The following GATA4 variants were observed in gnomAD, a reference collection of about 807,000 sequenced individuals.
The protein encoded by GATA4 is GATA binding protein 4.
A neutral mutation model predicts 37.9 loss-of-function variants in GATA4; 7 were observed. That is an observed-to-expected ratio of 0.18 (90% CI 0.11 to 0.35). The LOEUF (loss-of-function observed/expected upper bound fraction) is 0.35. Ranked by LOEUF, GATA4 falls within the 10% of genes least tolerant of loss-of-function variation. GATA4 has a pLI of 1.00. For synonymous variants in GATA4, 372 were observed against 292.6 expected (o/e 1.27, Z -2.77); for missense variants, 647 against 653.0 (o/e 0.99, Z 0.10).
intron 1 of GATA4, among the ~76,000 whole-genome samples, chr8:11,685,491 T>C (rs558935208): frequency 6.6e-6 from 1 of 152,246 alleles, no homozygotes; most frequent in Non-Finnish European, 1.5e-5. Context: ...CTACGATGTT[T>C]ATGACTGGTG....
chr8:11,706,200 G>A (rs1799882120), intron 1 of GATA4, among the ~76,000 whole-genome samples: 1 of 152,142 alleles, frequency 6.6e-6, no homozygotes. Context: ...GAGTTACCAT[G>A]TGACTATATA....
upstream of GATA4, among the ~76,000 whole-genome samples, chr8:11,691,019 T>C (rs904976814): frequency 6.6e-6 from 1 of 152,226 alleles, no homozygotes; most frequent in Non-Finnish European, 1.5e-5. Flanking sequence ...AGTTACTTAA[T>C]AGTTTGTGCC....
At chr8:11,712,045 C>T (rs1164114386) in intron 2 of GATA4, among the ~76,000 whole-genome samples, 1 of 152,204 alleles carries the variant, frequency 6.6e-6, no homozygotes, top group Non-Finnish European at 1.5e-5. Context: ...TTACCTCTCT[C>T]GGTCTCACCT....
At chr8:11,730,720 C>T (rs1801164172) in intron 2 of GATA4, among the ~76,000 whole-genome samples, 1 of 152,208 alleles carries the variant, frequency 6.6e-6, no homozygotes, top group Non-Finnish European at 1.5e-5. Context: ...TTCCTGCTGC[C>T]CTGGCATTGT....
chr8:11,758,844 C>T lies in GATA4; in HGVS notation c.*369C>T, dbSNP rs1802740684. ...ATCTGAGAACAAGCGGAGGGCCGGGCCCTGGGACCCCTGCTCCAGCCCGAA... is the reference window on the plus strand; with the variant it reads ...ATCTGAGAACAAGCGGAGGGCCGGGTCCTGGGACCCCTGCTCCAGCCCGAA... On this transcript the variant is annotated 3_prime_UTR_variant, in exon 7 of 7. Transcript: ENST00000532059. The T allele has an allele frequency of 2.9e-6, 1 of 342,596 alleles. No homozygotes were observed. Among genetic ancestry groups the T allele is most frequent in the Non-Finnish European group, 5.7e-6 (1 of 176,468 alleles). The allele number at this position is 342,596 out of a possible 1,614,324, so 21.2% of individuals were successfully genotyped here.
At chr8:11,733,837 G>T (rs1341727335) in intron 2 of GATA4, among the ~76,000 whole-genome samples, 2 of 152,154 alleles carry the variant, frequency 1.3e-5, no homozygotes, top group Non-Finnish European at 2.9e-5. Flanking sequence ...CACAGGCTTG[G>T]CTATGAGACT....
At chr8:11,743,731 T>C (rs746756407) in intron 2 of GATA4, among the ~76,000 whole-genome samples, 1 of 152,192 alleles carries the variant, frequency 6.6e-6, no homozygotes, top group Non-Finnish European at 1.5e-5. Context: ...GCTGCGTCAG[T>C]TCTTTGTAGG....
Position 11,724,999 on chromosome 8 carries a change from G to A in GATA4, c.616+16071G>A, listed in dbSNP as rs550790213. ...CTCATGCCCGCAGTGTACACGGGCT[G>A]GGGGTGGGTCATCCTGACGTTGCCC... On this transcript the variant is annotated intron_variant, in intron 2 of 6. Transcript: ENST00000532059. 2.0e-5 allele frequency among the ~76,000 whole-genome samples: 3 copies of A among 152,380 alleles called. No individual in the cohort carries two copies. In the South Asian group the frequency reaches 6.2e-4, roughly 32 times the overall value.
intron 1 of GATA4, chr8:11,680,756 C>A (rs778212699): frequency 3.0e-6 from 3 of 985,248 alleles, no homozygotes; most frequent in Middle Eastern, 5.2e-4. Flanking sequence ...CCGGCTTCTG[C>A]GCACCCCTCT....
chr8:11,748,417 C>G (rs1222895549), intron 2 of GATA4, among the ~76,000 whole-genome samples: 2 of 152,110 alleles, frequency 1.3e-5, no homozygotes, highest in African/African-American at 4.8e-5. Flanking sequence ...TAAATACAGT[C>G]TTACAAAGGA....
intron 2 of GATA4, among the ~76,000 whole-genome samples, chr8:11,722,747 A>G (rs1241535416): frequency 6.6e-6 from 1 of 152,186 alleles, no homozygotes; most frequent in Non-Finnish European, 1.5e-5. Flanking sequence ...CTCAGATTCA[A>G]GTTTGTGATG....
chr8:11,703,693 A>C (rs1471420230), upstream of GATA4, among the ~76,000 whole-genome samples: 1 of 152,244 alleles, frequency 6.6e-6, no homozygotes, highest in Non-Finnish European at 1.5e-5. Context: ...TTTAGGAGGC[A>C]GTCTGGGTGT....
In GATA4 at chr8:11,708,346, G is replaced by T. The variant is rs750597721; in HGVS notation, c.34G>T (p.Gly12Trp). The change falls in exon 2 of 7, where the codon GGG becomes TGG. Residue 12 changes from glycine to tryptophan, a missense_variant. Physicochemically the swap from Gly to Trp is radical, Grantham distance 184. Around this residue, in one of 5 missense-constraint regions of GATA4, gnomAD observed 379 missense variants for 334.5 expected, o/e 1.13. Transcript: ENST00000532059. The surrounding 1 kb of genome is among the most constrained non-coding windows in gnomAD (Gnocchi z 6.7). The stretch of plus-strand genomic sequence containing the variant: ...GAGCTTGGCCATGGCCGCCAACCAC[G>T]GGCCGCCCCCCGGTGCCTACGAGGC... Reference protein sequence around the residue: ...YQSLAMAANHGPPPGAYEAGG... With the variant: ...YQSLAMAANHWPPPGAYEAGG... The T allele has an allele frequency of 1.3e-6, 2 of 1,583,776 alleles. No homozygotes were observed. Among genetic ancestry groups the T allele is most frequent in the African/African-American group, 2.7e-5 (2 of 74,654 alleles).
chr8:11,737,019 G>T (rs1801493820), intron 2 of GATA4, among the ~76,000 whole-genome samples: 1 of 151,750 alleles, frequency 6.6e-6, no homozygotes, highest in African/African-American at 2.4e-5. Context: ...TTGCAACTTG[G>T]CTTAGACTCC....
Position 11,743,166 on chromosome 8 carries a change from G to A in GATA4, c.617-5750G>A, listed in dbSNP as rs879303083. On this transcript the variant is annotated intron_variant, in intron 2 of 6. Coordinates refer to ENST00000532059, the MANE Select transcript of GATA4 (RefSeq NM_001308093.3). ...GGCTGGGCACCACTGTGAGGCCCAG[G>A]CCCACTGCCGTTTGTCATCACAAAG... Among the ~76,000 whole-genome samples, 12 of 152,252 alleles carry A rather than the reference G, an allele frequency of 7.9e-5. 1 individual carries two copies. The highest frequency in any genetic ancestry group is 7.2e-4 in the Admixed American group (11 of 15,288).
chr8:11,706,040 C>G (rs1453145325), intron 1 of GATA4: 1 of 152,060 alleles, frequency 6.6e-6, no homozygotes, highest in South Asian at 2.1e-4. Context: ...TAAGGTAAAC[C>G]CATAATTCTT....
intron 2 of GATA4, among the ~76,000 whole-genome samples, chr8:11,736,411 G>T (rs1240366901): frequency 6.6e-6 from 1 of 152,236 alleles, no homozygotes; most frequent in Admixed American, 6.5e-5. Context: ...TGGCTAAGGC[G>T]TCCACCTCTA....
chr8:11,750,345 G>C (rs1195726826), intron 4 of GATA4, 109 bp downstream of exon 4: 21 of 1,482,208 alleles, frequency 1.4e-5, no homozygotes, highest in Non-Finnish European at 1.9e-5. Flanking sequence ...TCTTAACAAA[G>C]AGACTTAGAT....
intron 2 of GATA4, among the ~76,000 whole-genome samples, chr8:11,743,548 G>A (rs1346255162): frequency 6.6e-6 from 1 of 152,246 alleles, no homozygotes; most frequent in Non-Finnish European, 1.5e-5. Context: ...GCAGTGCCCA[G>A]GGGAGGGAGT....
Sources: gnomAD v4.1 joint callset for allele counts (sites outside exome capture counted in the v4.1 genomes callset) on GRCh38, gnomAD v4.1.1 for gene constraint, gnomAD v4.1.1 regional missense constraint, Gnocchi (gnomAD v3.1) non-coding constraint, MANE v1.5 for transcripts, NCBI Gene and HGNC (gene_info 2026-07-23, HGNC 2026-07-21) for gene names.